ADAMTS17: variants seen among roughly 807,000 people sequenced by gnomAD.
ADAMTS17 encodes the protein ADAM metallopeptidase with thrombospondin type 1 motif 17.
In ADAMTS17, 113 loss-of-function variants were observed where a neutral mutation model predicts 141.5. That is an observed-to-expected ratio of 0.80 (90% CI 0.69 to 0.93). The LOEUF is 0.93. Ranked by LOEUF, ADAMTS17 falls within the 40% of genes least tolerant of loss-of-function variation. The pLI is 0.00. For missense variants in ADAMTS17, 1,659 were observed against 1,517.9 expected, an observed-to-expected ratio of 1.09 and a Z score of -1.54; for synonymous variants, 768 against 630.6, an observed-to-expected ratio of 1.22 and a Z score of -3.27.
chr15:100,015,399 T>C (rs1407669971), intron 18 of ADAMTS17, among the ~76,000 whole-genome samples: 1 of 151,574 alleles, frequency 6.6e-6, no homozygotes, highest in African/African-American at 2.4e-5. Context: ...TTGTTGCCTG[T>C]GTACCTTGCT....
In ADAMTS17 at chr15:100,230,660, C is replaced by T. The variant is rs149136386; in HGVS notation, c.1075+23476G>A. Among the ~76,000 whole-genome samples, 472 of 152,242 alleles carry T rather than the reference C, an allele frequency of 3.1e-3. 5 individuals are homozygous for T. The highest frequency in any genetic ancestry group is 0.011 in the African/African-American group (451 of 41,538). On this transcript the variant is annotated intron_variant, in intron 7 of 21. Transcript: ENST00000268070. The stretch of plus-strand genomic sequence containing the variant: ...AGTGACTGGCATTTAACACTTTTTT[C>T]GGGTTTGATCACTCAGCAAAAGCTT...
chr15:100,311,071 A>G (rs1314870699), intron 3 of ADAMTS17, among the ~76,000 whole-genome samples: 1 of 152,178 alleles, frequency 6.6e-6, no homozygotes, highest in Non-Finnish European at 1.5e-5. Context: ...GCAGAGGAAA[A>G]AATGTAACCC....
chr15:100,216,374 A>G (rs1294386602), intron 7 of ADAMTS17, among the ~76,000 whole-genome samples: 3 of 152,248 alleles, frequency 2.0e-5, no homozygotes, highest in African/African-American at 7.2e-5. Flanking sequence ...TTGCCAGCGT[A>G]GAGGCTGTGA....
chr15:100,091,010 C>CAACAAAAAAAAAAAAAAA (rs1555446585), intron 15 of ADAMTS17, among the ~76,000 whole-genome samples: 1 of 54,612 alleles, frequency 1.8e-5, no homozygotes, highest in Non-Finnish European at 3.7e-5. Flanking sequence ...TCCGTCTCAA[C>CAACAAAAAAAAAAAAAAA]AAAAAAAAAA....
At chr15:100,135,615 C>T (rs1259236547) in intron 10 of ADAMTS17, among the ~76,000 whole-genome samples, 2 of 152,118 alleles carry the variant, frequency 1.3e-5, no homozygotes, top group Non-Finnish European at 2.9e-5. Flanking sequence ...CAAAAGGCAA[C>T]TGTAAGAACA....
chr15:100,019,838 C>T (rs2141439198), intron 18 of ADAMTS17, among the ~76,000 whole-genome samples: 1 of 152,254 alleles, frequency 6.6e-6, no homozygotes, highest in East Asian at 1.9e-4. Flanking sequence ...CTCCAACAGC[C>T]AGATGCCCAT....
intron 8 of ADAMTS17, among the ~76,000 whole-genome samples, chr15:100,198,868 G>C (rs2041217517): frequency 1.3e-5 from 2 of 152,208 alleles, no homozygotes; most frequent in African/African-American, 4.8e-5. Flanking sequence ...CTCATCCACA[G>C]CTGTTAATTC....
intron 3 of ADAMTS17, among the ~76,000 whole-genome samples, chr15:100,282,579 C>T (rs893342654): frequency 7.2e-5 from 11 of 152,212 alleles, no homozygotes; most frequent in Non-Finnish European, 1.6e-4. Flanking sequence ...CTCTCAAAAT[C>T]GCTCATTGTA....
chr15:100,067,495 G>T (rs2033623885), intron 15 of ADAMTS17, among the ~76,000 whole-genome samples: 1 of 152,170 alleles, frequency 6.6e-6, no homozygotes, highest in South Asian at 2.1e-4. Flanking sequence ...TAACGTCTAA[G>T]AACTATTAGA....
At chr15:100,034,849 A>G (rs936744408) in intron 18 of ADAMTS17, among the ~76,000 whole-genome samples, 1 of 152,222 alleles carries the variant, frequency 6.6e-6, no homozygotes, top group Non-Finnish European at 1.5e-5. Flanking sequence ...CATAAGAAAA[A>G]GTTAAAACAG....
chr15:100,330,801 C>G (rs1254993169), intron 3 of ADAMTS17, 88 bp downstream of exon 3: 34 of 1,537,084 alleles, frequency 2.2e-5, no homozygotes, highest in Non-Finnish European at 3.0e-5. Flanking sequence ...TAAGTTCTCA[C>G]TCATGTGGCT....
intron 10 of ADAMTS17, 135 bp from the exon 11 acceptor site, chr15:100,133,450 G>T: frequency 1.3e-6 from 1 of 781,268 alleles, no homozygotes; most frequent in Admixed American, 2.0e-5. Context: ...AGGGTCATAA[G>T]TCTGTATGTC....
chr15:100,336,304 G>C (rs756196403), intron 2 of ADAMTS17, among the ~76,000 whole-genome samples: 1 of 152,164 alleles, frequency 6.6e-6, no homozygotes, highest in Non-Finnish European at 1.5e-5. Flanking sequence ...TGCAGGGCTG[G>C]AGAGGACAAA....
chr15:100,255,444 G>A (rs577230533), intron 6 of ADAMTS17, among the ~76,000 whole-genome samples: 2 of 152,282 alleles, frequency 1.3e-5, no homozygotes, highest in Admixed American at 1.3e-4. Context: ...AAGGCCTAGA[G>A]ACTTGATTTT....
chr15:99,975,972 C>T, intron 21 of ADAMTS17, 73 bp downstream of exon 21: 1 of 1,468,816 alleles, frequency 6.8e-7, no homozygotes, highest in Non-Finnish European at 9.1e-7. Context: ...GAAAGAACCT[C>T]ACCGTCAGGG....
chr15:100,077,461 C>CAAAAAAAAAAAAA (rs61464362), intron 15 of ADAMTS17, among the ~76,000 whole-genome samples: 3 of 139,330 alleles, frequency 2.2e-5, no homozygotes, highest in Admixed American at 7.1e-5. Flanking sequence ...GACTCCCTCT[C>CAAAAAAAAAAAAA]AAAAAAAAAA....
chr15:100,065,360 G>C (rs1287606100), intron 15 of ADAMTS17, among the ~76,000 whole-genome samples: 2 of 152,060 alleles, frequency 1.3e-5, no homozygotes, highest in Non-Finnish European at 2.9e-5. Flanking sequence ...AATTATAAAA[G>C]GATCAAGCAA....
intron 15 of ADAMTS17, among the ~76,000 whole-genome samples, chr15:100,089,846 G>T (rs112871467): frequency 1.5e-5 from 2 of 131,122 alleles, no homozygotes; most frequent in South Asian, 5.5e-4. Context: ...GTTGGGGGAG[G>T]GGGGAGGGAT....
At chr15:100,323,696 G>A (rs2045806099) in intron 3 of ADAMTS17, among the ~76,000 whole-genome samples, 1 of 152,040 alleles carries the variant, frequency 6.6e-6, no homozygotes, top group African/African-American at 2.4e-5. Flanking sequence ...TCTTCGAAAA[G>A]GTTAATAGAC....
Sources: allele counts gnomAD v4.1 joint callset (sites outside exome capture counted in the v4.1 genomes callset), GRCh38; gene constraint gnomAD v4.1.1; transcripts MANE v1.5; gene names NCBI Gene and HGNC (gene_info 2026-07-23, HGNC 2026-07-21).